The following PAG1 variants were observed in gnomAD, a reference collection of about 807,000 sequenced individuals.
The protein encoded by PAG1 is phosphoprotein membrane anchor with glycosphingolipid microdomains 1.
PAG1 carries 23 observed loss-of-function variants against 31.7 expected under a neutral mutation model. That is an observed-to-expected ratio of 0.73 (90% CI 0.52 to 1.03). The LOEUF is 1.03. PAG1 is among the 50% of genes least tolerant of loss of function. The pLI, the probability that PAG1 is intolerant of heterozygous loss-of-function variation, is 0.00. For missense variants in PAG1, 473 were observed against 540.7 expected (o/e 0.87, Z 1.24); for synonymous variants, 214 against 210.3 (o/e 1.02, Z -0.15).
At chr8:81,110,633 A>G (rs1463330634) in intron 1 of PAG1, among the ~76,000 whole-genome samples, 1 of 152,230 alleles carries the variant, frequency 6.6e-6, no homozygotes, top group Non-Finnish European at 1.5e-5. Context: ...TTTTTCTAAA[A>G]CAAAGGGGAT....
At chr8:80,984,219 T>C (rs1807367292) in intron 7 of PAG1, among the ~76,000 whole-genome samples, 1 of 152,188 alleles carries the variant, frequency 6.6e-6, no homozygotes, top group East Asian at 1.9e-4. Flanking sequence ...TGCTAATGCA[T>C]TTTACAGCTT....
At position 80,974,832 on chromosome 8, in the gene PAG1, C is replaced by T. The variant is rs1333977867; in HGVS notation, c.*1712G>A. ...AAAAGCTGTCTTTCCATAGCCCACA[C>T]TCATAATAGCACTTCAACTAGGCTC... On this transcript the variant is annotated 3_prime_UTR_variant, in exon 9 of 9. Coordinates refer to ENST00000220597, the MANE Select transcript of PAG1 (RefSeq NM_018440.4). 6.6e-6 allele frequency: 1 copy of T among 152,186 alleles called. No individual in the cohort carries two copies. The highest frequency in any genetic ancestry group is 1.5e-5 in the Non-Finnish European group (1 of 68,034). The allele number at this position is 152,186 out of a possible 1,614,324, so 9.4% of individuals were successfully genotyped here. A position where few individuals can be genotyped will look rare whatever the true frequency, so the allele number is the denominator to read the frequency against.
chr8:80,992,958 G>A lies in PAG1; in HGVS notation c.125+145C>T, dbSNP rs114063493. On this transcript the variant is annotated intron_variant, in intron 4 of 8. Coordinates refer to ENST00000220597, the MANE Select transcript of PAG1 (RefSeq NM_018440.4). ...GAATGTCCCGAGACGCTCTGCAGCA[G>A]AGAGAAGAGAGTTAAAGCTAATGCA... The A allele has an allele frequency of 5.1e-4, 320 of 622,340 alleles. 2 individuals carry two copies. The African/African-American group carries it at 5.7e-3, about 11-fold the overall frequency. 38.6% of individuals were successfully genotyped at this position (622,340 alleles called of 1,614,324 possible).
At position 80,984,841 on chromosome 8, in the gene PAG1, G is replaced by A; in HGVS notation, c.811C>T (p.Leu271Phe). 1 of 1,614,108 alleles carries A rather than the reference G, an allele frequency of 6.2e-7. No individual in the cohort carries two copies. The highest frequency in any genetic ancestry group is 8.5e-7 in the Non-Finnish European group (1 of 1,179,984). ...PVKLLDENENLQEKEGGEAEE... is the reference protein window; with the variant it reads ...PVKLLDENENFQEKEGGEAEE... The stretch of plus-strand genomic sequence containing the variant: ...GCCTCTCCCCCTTCCTTCTCCTGAA[G>A]GTTTTCATTCTCGTCCAGAAGCTTA... Residue 271 changes from leucine to phenylalanine, a missense_variant, in exon 7 of 9, where the codon CTT (leucine) becomes TTT (phenylalanine). Leu to Phe is a conservative substitution (Grantham distance 22, BLOSUM62 0). Transcript: ENST00000220597.
rs547061291 is a variant in PAG1 at position 80,996,156 on chromosome 8, C to G, written c.-80-2849G>C. On this transcript the variant is annotated intron_variant, in intron 3 of 8. Transcript: ENST00000220597. ...GGGCAGCTTTCTCCTCTTGGACCCT[C>G]TAAGTGCTGCTCTGCAGGAGGACTG... 2.0e-5 allele frequency among the ~76,000 whole-genome samples: 3 copies of G among 152,366 alleles called. No homozygotes were observed. The East Asian group carries it at 5.8e-4, about 29-fold the overall frequency.
chr8:80,989,251 A>T (rs1045134349), intron 5 of PAG1, among the ~76,000 whole-genome samples: 12 of 152,336 alleles, frequency 7.9e-5, no homozygotes, highest in South Asian at 2.1e-4. Context: ...GTTGCCAGGA[A>T]CTTGCAATGC....
At chr8:81,103,296 A>G (rs1809638636) in intron 1 of PAG1, among the ~76,000 whole-genome samples, 1 of 152,196 alleles carries the variant, frequency 6.6e-6, no homozygotes, top group Admixed American at 6.6e-5. Flanking sequence ...AATAAAGAAA[A>G]TCTCTTAAAC....
chr8:80,981,722 A>G (rs1188787892), intron 7 of PAG1, among the ~76,000 whole-genome samples: 2 of 152,008 alleles, frequency 1.3e-5, no homozygotes, highest in Non-Finnish European at 2.9e-5. Flanking sequence ...CCACATACCT[A>G]TGTGTGAATA....
rs140334255 is a variant in PAG1, at chr8:81,028,447, C to T, written c.-81+1549G>A. Among the ~76,000 whole-genome samples the T allele has an allele frequency of 2.1e-3, 322 of 152,270 alleles. 1 individual carries two copies. Among genetic ancestry groups the T allele is most frequent in the African/African-American group, 7.4e-3 (306 of 41,538 alleles). ...TCATTTGTACCAATGTGAATGCTGACGTACAAAGGGCAATATCAAAGCAGG... is the reference window on the plus strand; with the variant it reads ...TCATTTGTACCAATGTGAATGCTGATGTACAAAGGGCAATATCAAAGCAGG... On this transcript the variant is annotated intron_variant, in intron 3 of 8. Transcript: ENST00000220597.
chr8:81,012,839 C>T (rs1018144404), intron 3 of PAG1, among the ~76,000 whole-genome samples: 14 of 152,186 alleles, frequency 9.2e-5, no homozygotes, highest in African/African-American at 3.4e-4. Flanking sequence ...ACCCTGGGCA[C>T]TAGCTAGAAA....
intron 1 of PAG1, among the ~76,000 whole-genome samples, chr8:81,077,796 A>G (rs555134948): frequency 1.3e-5 from 2 of 152,364 alleles, no homozygotes; most frequent in Middle Eastern, 3.4e-3. Flanking sequence ...CAAAATGTTT[A>G]GATTGGTTAG....
At chr8:81,070,650 T>C (rs992581853) in intron 1 of PAG1, among the ~76,000 whole-genome samples, 14 of 147,574 alleles carry the variant, frequency 9.5e-5, no homozygotes, top group African/African-American at 3.5e-4. Context: ...TGAAAGTCTT[T>C]TCAGCACAAA....
intron 1 of PAG1, among the ~76,000 whole-genome samples, chr8:81,074,405 T>A (rs977640303): frequency 2.6e-5 from 4 of 151,966 alleles, no homozygotes; most frequent in African/African-American, 9.7e-5. Context: ...CTAAGCTAGA[T>A]AACTAGGAAA....
intron 1 of PAG1, among the ~76,000 whole-genome samples, chr8:81,072,878 C>T (rs9918749): frequency 0.025 from 3,796 of 152,264 alleles, 158 homozygotes; most frequent in African/African-American, 0.085. Flanking sequence ...TCATCCAATA[C>T]GCACAAAACA....
chr8:81,107,294 T>C (rs1809707976), intron 1 of PAG1, among the ~76,000 whole-genome samples: 1 of 152,244 alleles, frequency 6.6e-6, no homozygotes, highest in Non-Finnish European at 1.5e-5. Context: ...AAGGTAGGCA[T>C]GTGTCTTCCC....
chr8:81,038,166 G>T (rs1808493511), intron 2 of PAG1, among the ~76,000 whole-genome samples: 1 of 152,242 alleles, frequency 6.6e-6, no homozygotes, highest in African/African-American at 2.4e-5. Flanking sequence ...GGGTATGCAT[G>T]TCGGCGGGGA....
At chr8:81,042,402 C>T (rs996447009) in intron 2 of PAG1, among the ~76,000 whole-genome samples, 11 of 152,294 alleles carry the variant, frequency 7.2e-5, no homozygotes, top group African/African-American at 2.6e-4. Context: ...ATGGTTGTCA[C>T]TTGTTTTTCA....
intron 1 of PAG1, among the ~76,000 whole-genome samples, chr8:81,092,219 GA>G (rs1172800841): frequency 5.3e-5 from 7 of 131,176 alleles, no homozygotes; most frequent in African/African-American, 2.0e-4. Context: ...AAAAGGAAAA[GA>G]AAAAAAAGAA....
At chr8:81,030,532 T>C (rs1808361908) in intron 2 of PAG1, among the ~76,000 whole-genome samples, 1 of 152,248 alleles carries the variant, frequency 6.6e-6, no homozygotes, top group African/African-American at 2.4e-5. Context: ...AAGCTGTGAT[T>C]CAGTTCTGAA....
Sources: gnomAD v4.1 joint callset for allele counts (sites outside exome capture counted in the v4.1 genomes callset) on GRCh38, gnomAD v4.1.1 for gene constraint, MANE v1.5 for transcripts, NCBI Gene and HGNC (gene_info 2026-07-23, HGNC 2026-07-21) for gene names.